Variants in RPTN observed in about 807,000 individuals in gnomAD.
RPTN encodes the protein repetin.
Under a neutral mutation model 3.6 loss-of-function variants are expected in RPTN, and 4 were observed. That is an observed-to-expected ratio of 1.12 (90% CI 0.55 to 2.55). The LOEUF is 2.55. Ranked by LOEUF, RPTN falls within the 30% of genes most tolerant of loss-of-function variation. The pLI is 0.02. For missense variants in RPTN, 860 were observed against 916.7 expected, an observed-to-expected ratio of 0.94 and a Z score of 0.80; for synonymous variants, 293 against 319.3, an observed-to-expected ratio of 0.92 and a Z score of 0.88.
Position 152,156,034 on chromosome 1 carries a change from A to G in RPTN, c.1065T>C (p.Tyr355=). The G allele has an allele frequency of 6.2e-7, 1 of 1,613,194 alleles. No individual in the cohort carries two copies. Among genetic ancestry groups the G allele is most frequent in the Non-Finnish European group, 8.5e-7 (1 of 1,179,970 alleles). Residue 355 remains tyrosine, a synonymous_variant, in exon 3 of 3, where the codon TAT becomes TAC. Transcript: ENST00000316073. ...QMDRKGQCYH[Y]DQTNRQGQGS... ...CCTGGCCTTGTCTGTTTGTCTGATC[A>G]TAATGATAACACTGGCCTTTTCTGT... is the stretch of plus-strand genomic sequence containing the variant.
chr1:152,155,549 T>G lies in RPTN; in HGVS notation c.1550A>C (p.Gln517Pro). The G allele has an allele frequency of 6.2e-7, 1 of 1,611,698 alleles. No homozygotes were observed. The highest frequency in any genetic ancestry group is 8.5e-7 in the Non-Finnish European group (1 of 1,178,682). ...QSSHYGQTDR[Q>P]GQSFHYGQPD... is the part of the protein sequence containing the mutation. The stretch of plus-strand genomic sequence containing the variant: ...CTGACCATAGTGGAAACTCTGGCCT[T>G]GTCTGTCTGTCTGACCATAGTGGGA... The change falls in exon 3 of 3, where the codon CAA becomes CCA. Residue 517 changes from glutamine to proline, a missense_variant. Physicochemically the swap from Gln to Pro is moderately conservative, Grantham distance 76. Transcript: ENST00000316073.
Position 152,156,926 on chromosome 1 carries a change from A to C in RPTN, c.173T>G (p.Leu58Trp). The change falls in exon 3 of 3, where the codon TTG becomes TGG. Residue 58 changes from leucine to tryptophan, a missense_variant. By Grantham distance (61) the Leu-to-Trp change is moderately conservative (BLOSUM62 -2). Transcript: ENST00000316073. ...PNDPETVETI[L>W]NLLDQDRDGH... The stretch of plus-strand genomic sequence containing the variant: ...ATCTCGGTCTTGATCTAAGAGGTTC[A>C]AGATGGTTTCCACAGTCTCTGGGTC... 6.2e-7 allele frequency: 1 copy of C among 1,614,106 alleles called. No homozygotes were observed. Among genetic ancestry groups the C allele is most frequent in the Non-Finnish European group, 8.5e-7 (1 of 1,179,982 alleles).
At chr1:152,157,717 T>G (rs757208011) in intron 2 of RPTN, 35 bp downstream of exon 2, 1 of 1,612,228 alleles carries the variant, frequency 6.2e-7, no homozygotes, top group Non-Finnish European at 8.5e-7. Flanking sequence ...TCATTCACAC[T>G]TGATCTCATG....
At chr1:152,157,061 C>A in intron 2 of RPTN, 101 bp from the exon 3 acceptor site, 1 of 1,009,526 alleles carries the variant, frequency 9.9e-7, no homozygotes, top group Non-Finnish European at 1.5e-6. Context: ...CTGCACGGAC[C>A]TTCCTAGGTT....
At position 152,156,313 on chromosome 1, in the gene RPTN, T is replaced by A. The variant is rs774166453; in HGVS notation, c.786A>T (p.Thr262=). 6.2e-7 allele frequency: 1 copy of A among 1,614,278 alleles called. No individual in the cohort carries two copies. Among genetic ancestry groups the A allele is most frequent in the South Asian group, 1.1e-5 (1 of 91,086 alleles). Residue 262 remains threonine (T), a synonymous_variant, in exon 3 of 3, where the codon ACA becomes ACT. Coordinates refer to ENST00000316073, the MANE Select transcript of RPTN (RefSeq NM_001122965.1). ...TLGQASHFNQ[T]NQQKSGSYCG... is the part of the protein sequence containing the mutation. ...AATAAGAGCCTGATTTCTGTTGATT[T>A]GTCTGGTTAAAGTGAGAGGCTTGTC... is the stretch of plus-strand genomic sequence containing the variant.
chr1:152,157,991 G>T, intron 1 of RPTN, 82 bp from the exon 2 acceptor site: 1 of 1,182,466 alleles, frequency 8.5e-7, no homozygotes, highest in Non-Finnish European at 1.2e-6. Flanking sequence ...GACCCCTCTG[G>T]ATCTGGGAGA....
rs1659190136 is a variant in RPTN at position 152,155,924 on chromosome 1, C to A, written c.1175G>T (p.Gly392Val). 4.3e-6 allele frequency: 7 copies of A among 1,613,700 alleles called. No individual in the cohort carries two copies. The highest frequency in any genetic ancestry group is 1.1e-5 in the South Asian group (1 of 91,060). ...ACTTTGGTCTTGTCTGTCTGTCTGACCATAGTGAGAACTCTGATCTTGTGT... is the reference window on the plus strand; with the variant it reads ...ACTTTGGTCTTGTCTGTCTGTCTGAACATAGTGAGAACTCTGATCTTGTGT... The part of the protein sequence containing the change: ...PDTQDQSSHY[G>V]QTDRQDQSSH... The change falls in exon 3 of 3, where the codon GGT becomes GTT. Residue 392 changes from glycine to valine, a missense_variant. By Grantham distance (109) the Gly-to-Val change is moderately radical. Transcript: ENST00000316073.
In RPTN at chr1:152,155,170, C is replaced by T; in HGVS notation, c.1929G>A (p.Gln643=). 1 of 1,614,196 alleles carries T rather than the reference C, an allele frequency of 6.2e-7. No homozygotes were observed. Among genetic ancestry groups the T allele is most frequent in the African/African-American group, 1.3e-5 (1 of 75,040 alleles). ...GQGFQSRDSQ[Q]NGHQVWEPEE... The stretch of plus-strand genomic sequence containing the variant: ...CAGGCTCCCATACCTGGTGGCCGTT[C>T]TGCTGTGAGTCCCTAGACTGGAATC... The change falls in exon 3 of 3, where the codon CAG becomes CAA. Residue 643 remains glutamine (Q), a synonymous_variant. Transcript: ENST00000316073.
intron 2 of RPTN, among the ~76,000 whole-genome samples, chr1:152,157,444 T>C (rs188639449): frequency 6.6e-6 from 1 of 152,300 alleles, no homozygotes; most frequent in Non-Finnish European, 1.5e-5. Context: ...TTAAAAGATG[T>C]GTGGATAGCA....
At position 152,156,706 on chromosome 1, in the gene RPTN, G is replaced by A. The variant is rs372812890; in HGVS notation, c.393C>T (p.Asn131=). The change falls in exon 3 of 3, where the codon AAC becomes AAT. Residue 131 remains asparagine, a synonymous_variant. Coordinates refer to ENST00000316073, the MANE Select transcript of RPTN (RefSeq NM_001122965.1). ...HRQRHEEERQ[N]SHHSQPERQD... ...GTCTCTCAGGCTGACTGTGGTGGGA[G>A]TTCTGCCTTTCTTCCTCGTGCCTCT... The A allele has an allele frequency of 1.8e-5, 29 of 1,613,916 alleles. No individual in the cohort carries two copies. The African/African-American group carries it at 3.6e-4, about 20-fold the overall frequency.
intron 1 of RPTN, among the ~76,000 whole-genome samples, chr1:152,158,919 G>C (rs1305971818): frequency 6.6e-6 from 1 of 152,190 alleles, no homozygotes; most frequent in Non-Finnish European, 1.5e-5. Context: ...TCCACTATGG[G>C]AGACTAAGCT....
At chr1:152,158,023 C>T (rs1225141770) in intron 1 of RPTN, 114 bp from the exon 2 acceptor site, 2 of 790,996 alleles carry the variant, frequency 2.5e-6, no homozygotes, top group African/African-American at 1.7e-5. Context: ...GTGAGAGAGC[C>T]CCTTCTTAGC....
In RPTN at chr1:152,156,266, C is replaced by T. The variant is rs373651466; in HGVS notation, c.833G>A (p.Gly278Asp). Reference protein sequence around the residue: ...GSYCGQSERLGQELGCGQTDR... With the variant: ...GSYCGQSERLDQELGCGQTDR... ...TGTCTGACCACAGCCTAATTCCTGA[C>T]CTAGCCTCTCAGACTGTCCACAATA... Residue 278 changes from glycine (G) to aspartate (D), a missense_variant, in exon 3 of 3, where the codon GGT becomes GAT. Physicochemically the swap from Gly to Asp is moderately conservative, Grantham distance 94. Coordinates refer to ENST00000316073, the MANE Select transcript of RPTN (RefSeq NM_001122965.1). The T allele has an allele frequency of 1.1e-5, 18 of 1,614,238 alleles. No individual in the cohort carries two copies. The highest frequency in any genetic ancestry group is 1.4e-5 in the Non-Finnish European group (17 of 1,180,038).
At chr1:152,158,028 C>T in intron 1 of RPTN, 119 bp from the exon 2 acceptor site, 2 of 746,448 alleles carry the variant, frequency 2.7e-6, no homozygotes, top group Non-Finnish European at 4.4e-6. Flanking sequence ...AGAGCCCCTT[C>T]TTAGCTGTAC....
In RPTN at chr1:152,155,958, G is replaced by C. The variant is rs1319700567; in HGVS notation, c.1141C>G (p.Gln381Glu). 1 of 1,613,564 alleles carries C rather than the reference G, an allele frequency of 6.2e-7. No homozygotes were observed. Among genetic ancestry groups the C allele is most frequent in the East Asian group, 2.2e-5 (1 of 44,852 alleles). ...NRQGQSSHYG[Q>E]PDTQDQSSHY... ...GAACTCTGATCTTGTGTGTCTGGCT[G>C]ACCATAGTGGGAACTCTGACCTTGT... The change falls in exon 3 of 3, where the codon CAG (glutamine) becomes GAG (glutamate). Residue 381 changes from glutamine to glutamate, a missense_variant. Coordinates refer to ENST00000316073, the MANE Select transcript of RPTN (RefSeq NM_001122965.1).
chr1:152,155,022 T>A lies in RPTN; in HGVS notation c.2077A>T (p.Thr693Ser). ...SSEQGHRQAQ[T>S]RQSHGEGLSH... ...AGCCCCTCACCATGACTCTGCCTGG[T>A]CTGGGCCTGTCTGTGGCCCTGCTCA... Residue 693 changes from threonine to serine, a missense_variant, in exon 3 of 3, where the codon ACC becomes TCC. By Grantham distance (58) the Thr-to-Ser change is moderately conservative. Coordinates refer to ENST00000316073, the MANE Select transcript of RPTN (RefSeq NM_001122965.1). 6.2e-7 allele frequency: 1 copy of A among 1,614,202 alleles called. No individual in the cohort carries two copies. Among genetic ancestry groups the A allele is most frequent in the Non-Finnish European group, 8.5e-7 (1 of 1,180,028 alleles).
At position 152,154,809 on chromosome 1, in the gene RPTN, C is replaced by G. The variant is rs1367904067; in HGVS notation, c.2290G>C (p.Asp764His). 6.2e-7 allele frequency: 1 copy of G among 1,613,848 alleles called. No individual in the cohort carries two copies. The highest frequency in any genetic ancestry group is 8.5e-7 in the Non-Finnish European group (1 of 1,179,980). ...TCTCGTCTCTGACGGTTCTGCTTGT[C>G]TTCATGGGTTTGCCTGTCTCGTCTC... Reference protein sequence around the residue: ...HQRRDRQTHEDKQNRQRRDRQ... With the variant: ...HQRRDRQTHEHKQNRQRRDRQ... Residue 764 changes from aspartate (D) to histidine (H), a missense_variant, in exon 3 of 3, where the codon GAC becomes CAC. Transcript: ENST00000316073.
intron 2 of RPTN, 98 bp from the exon 3 acceptor site, chr1:152,157,058 G>T: frequency 1.9e-6 from 2 of 1,028,280 alleles, no homozygotes; most frequent in Non-Finnish European, 2.9e-6. Flanking sequence ...GTGCTGCACG[G>T]ACCTTCCTAG....
At chr1:152,157,120 C>T (rs763166682) in intron 2 of RPTN, among the ~76,000 whole-genome samples, 160 bp from the exon 3 acceptor site, 2 of 152,182 alleles carry the variant, frequency 1.3e-5, no homozygotes, top group Non-Finnish European at 2.9e-5. Context: ...AGTCTTTGAT[C>T]AGCTGGTTCT....
Sources: gnomAD v4.1 joint callset for allele counts (sites outside exome capture counted in the v4.1 genomes callset) on GRCh38, gnomAD v4.1.1 for gene constraint, MANE v1.5 for transcripts, NCBI Gene and HGNC (gene_info 2026-07-23, HGNC 2026-07-21) for gene names.